Variants in TMEM131 observed in about 807,000 individuals in gnomAD.
The protein encoded by TMEM131 is 2610524E03Rik.
Under a neutral mutation model 211.6 loss-of-function variants are expected in TMEM131, and 66 were observed. The ratio of observed to expected loss-of-function variants is 0.31; its 90% CI spans 0.26 to 0.38. The LOEUF is 0.38. TMEM131 is among the 10% of genes least tolerant of loss of function. The pLI is 1.00. For missense variants in TMEM131, 2,036 were observed against 2,299.3 expected, an observed-to-expected ratio of 0.89 and a Z score of 2.34; for synonymous variants, 844 against 841.3, an observed-to-expected ratio of 1.00 and a Z score of -0.06.
chr2:97,759,986 G>C, intron 38 of TMEM131: 1 of 458,912 alleles, frequency 2.2e-6, no homozygotes, highest in Non-Finnish European at 3.9e-6. Flanking sequence ...CAAAGCAAGT[G>C]TTTTGCAGAG....
intron 2 of TMEM131, among the ~76,000 whole-genome samples, chr2:97,925,956 A>G (rs1458466119): frequency 6.6e-6 from 1 of 151,666 alleles, no homozygotes; most frequent in Admixed American, 6.6e-5. Flanking sequence ...TAAAAATACA[A>G]AAAAAATTAG....
At chr2:97,981,690 CCAT>C (rs1163397332) in intron 1 of TMEM131, among the ~76,000 whole-genome samples, 1 of 151,814 alleles carries the variant, frequency 6.6e-6, no homozygotes, top group Non-Finnish European at 1.5e-5. Flanking sequence ...ACCCTTGTAC[CCAT>C]CATCAGTCAC....
intron 35 of TMEM131, among the ~76,000 whole-genome samples, chr2:97,765,786 A>C (rs978248712): frequency 4.6e-5 from 7 of 152,230 alleles, no homozygotes; most frequent in Non-Finnish European, 1.0e-4. Flanking sequence ...TGTATAAGGC[A>C]AACAATTCTT....
intron 1 of TMEM131, among the ~76,000 whole-genome samples, chr2:97,980,914 T>C (rs543527199): frequency 1.3e-5 from 2 of 151,572 alleles, no homozygotes; most frequent in South Asian, 2.1e-4. Flanking sequence ...GAGTCAGAAG[T>C]GGACTATATG....
chr2:97,924,067 G>A (rs1030762468), intron 2 of TMEM131, among the ~76,000 whole-genome samples: 2 of 149,606 alleles, frequency 1.3e-5, no homozygotes, highest in South Asian at 4.2e-4. Flanking sequence ...GTGACAGAGC[G>A]AGACCCCATC....
intron 33 of TMEM131, among the ~76,000 whole-genome samples, chr2:97,766,999 G>A (rs1280710876): frequency 1.3e-5 from 2 of 152,182 alleles, no homozygotes; most frequent in Non-Finnish European, 2.9e-5. Context: ...ACCACCACCA[G>A]TGGGATTCCT....
intron 1 of TMEM131, among the ~76,000 whole-genome samples, chr2:97,959,215 G>C (rs971451252): frequency 6.6e-6 from 1 of 152,168 alleles, no homozygotes; most frequent in Admixed American, 6.5e-5. Context: ...AGAAACGTGG[G>C]GGGAGACACA....
At chr2:97,941,495 G>GCTT (rs1677724326) in intron 1 of TMEM131, among the ~76,000 whole-genome samples, 1 of 152,196 alleles carries the variant, frequency 6.6e-6, no homozygotes, top group Non-Finnish European at 1.5e-5. Context: ...AAATGAAAGA[G>GCTT]CTTCTGCACA....
Position 97,815,284 on chromosome 2 carries a change from G to C in TMEM131, c.1207C>G (p.Gln403Glu). The part of the protein sequence containing the change: ...FDASKAKKPS[Q>E]FSGKITVKAK... Reference sequence around the variant, plus strand: ...TTAACTGTTATTTTCCCAGAAAACTGAGATGGCTTTTTTGCCTTCGATGCT... The same window carrying C: ...TTAACTGTTATTTTCCCAGAAAACTCAGATGGCTTTTTTGCCTTCGATGCT... Residue 403 changes from glutamine (Q) to glutamate (E), a missense_variant, in exon 13 of 41, where the codon CAG becomes GAG. By Grantham distance (29) the Gln-to-Glu change is conservative. Transcript: ENST00000186436. 6.4e-7 allele frequency: 1 copy of C among 1,570,852 alleles called. No individual in the cohort carries two copies. Among genetic ancestry groups the C allele is most frequent in the Non-Finnish European group, 8.6e-7 (1 of 1,167,312 alleles).
intron 3 of TMEM131, among the ~76,000 whole-genome samples, chr2:97,894,647 G>A (rs934947609): frequency 6.6e-6 from 1 of 152,126 alleles, no homozygotes; most frequent in African/African-American, 2.4e-5. Context: ...TGTAGCAATT[G>A]TGAATGGGAG....
chr2:97,868,865 C>CA, intron 4 of TMEM131, among the ~76,000 whole-genome samples: 1 of 152,252 alleles, frequency 6.6e-6, no homozygotes, highest in South Asian at 2.1e-4. Flanking sequence ...CTTTAAATGA[C>CA]AGGCTCATCA....
At chr2:97,857,665 C>G (rs1673902130) in intron 5 of TMEM131, among the ~76,000 whole-genome samples, 1 of 152,132 alleles carries the variant, frequency 6.6e-6, no homozygotes, top group African/African-American at 2.4e-5. Context: ...CACATAAATA[C>G]ATCTCTCTAT....
chr2:97,761,079 T>A, intron 36 of TMEM131, 165 bp from the exon 37 acceptor site: 1 of 822,624 alleles, frequency 1.2e-6, no homozygotes, highest in Non-Finnish European at 1.9e-6. Flanking sequence ...TCAGACTGCT[T>A]AATCAGACAG....
intron 1 of TMEM131, among the ~76,000 whole-genome samples, chr2:97,958,654 A>T (rs1422659958): frequency 6.6e-6 from 1 of 152,252 alleles, no homozygotes; most frequent in Non-Finnish European, 1.5e-5. Flanking sequence ...CGCCTAGGGC[A>T]AGTGACCAGA....
chr2:97,765,980 A>T, intron 35 of TMEM131, 134 bp downstream of exon 35: 1 of 1,141,162 alleles, frequency 8.8e-7, no homozygotes, highest in Non-Finnish European at 1.2e-6. Context: ...TAGGCTAGTT[A>T]ACAATGGGCT....
chr2:97,848,597 A>G (rs1345080587), intron 5 of TMEM131, among the ~76,000 whole-genome samples: 9 of 152,222 alleles, frequency 5.9e-5, no homozygotes, highest in Admixed American at 2.0e-4. Context: ...TACAGACAAG[A>G]AAAGTCTTGT....
At chr2:97,973,946 C>T (rs1274076377) in intron 1 of TMEM131, among the ~76,000 whole-genome samples, 2 of 152,140 alleles carry the variant, frequency 1.3e-5, no homozygotes, top group Non-Finnish European at 2.9e-5. Context: ...AAAATAGCAG[C>T]ACCCAACAAC....
chr2:97,810,531 A>G (rs10207540), intron 18 of TMEM131, among the ~76,000 whole-genome samples: 151,742 of 152,310 alleles, frequency 1, 75,612 homozygotes, highest in Middle Eastern at 1. Flanking sequence ...GTTGAATTTA[A>G]CAGTGCTTGA....
At chr2:97,882,611 C>T (rs1674982343) in intron 4 of TMEM131, among the ~76,000 whole-genome samples, 1 of 152,220 alleles carries the variant, frequency 6.6e-6, no homozygotes, top group Non-Finnish European at 1.5e-5. Context: ...CCTTGGGGTT[C>T]CAGCCCGCTA....
Sources: gnomAD v4.1 joint callset for allele counts (sites outside exome capture counted in the v4.1 genomes callset) on GRCh38, gnomAD v4.1.1 for gene constraint, MANE v1.5 for transcripts, NCBI Gene and HGNC (gene_info 2026-07-23, HGNC 2026-07-21) for gene names.